Variants in GUCY1A2 observed in about 807,000 individuals in gnomAD.
GUCY1A2 encodes guanylate cyclase 1 soluble subunit alpha 2.
GUCY1A2 carries 27 observed loss-of-function variants against 63.5 expected under a neutral mutation model. That is an observed-to-expected ratio of 0.43 (90% CI 0.31 to 0.59). The LOEUF is 0.59. Among genes scored for constraint, GUCY1A2 ranks in the 20% least tolerant of loss-of-function variants. The probability of loss-of-function intolerance (pLI) is 0.11; values close to 1 mark genes in which losing one functional copy is unlikely to be tolerated. For synonymous variants in GUCY1A2, 364 were observed against 343.5 expected (o/e 1.06, Z -0.66); for missense variants, 768 against 913.3 (o/e 0.84, Z 2.05).
At chr11:106,815,597 G>A (rs1858820125) in intron 4 of GUCY1A2, among the ~76,000 whole-genome samples, 1 of 151,822 alleles carries the variant, frequency 6.6e-6, no homozygotes, top group Non-Finnish European at 1.5e-5. Context: ...CACCAGGAAG[G>A]AAGAAAAGGA....
intron 6 of GUCY1A2, among the ~76,000 whole-genome samples, chr11:106,748,581 G>GATGAAATCTA (rs1278499668): frequency 1.6e-4 from 24 of 152,288 alleles, no homozygotes; most frequent in Non-Finnish European, 2.9e-5. Flanking sequence ...AACACTGACA[G>GATGAAATCTA]ATGAAATCTA....
chr11:106,906,972 A>G (rs1860217323), intron 4 of GUCY1A2, among the ~76,000 whole-genome samples: 1 of 152,056 alleles, frequency 6.6e-6, no homozygotes, highest in South Asian at 2.1e-4. Context: ...CATTAGGAGA[A>G]ATACTTAATA....
At position 106,878,383 on chromosome 11, in the gene GUCY1A2, C is replaced by T. The variant is rs75737115; in HGVS notation, c.1206+61077G>A. Among the ~76,000 whole-genome samples the T allele has an allele frequency of 8.3e-3, 1,263 of 151,988 alleles. 10 individuals are homozygous for T. The highest frequency in any genetic ancestry group is 0.035 in the South Asian group (169 of 4,812). ...TAGCAAATAGAACCAACCTAAATGCCCATCAATGGTAGACTGGATAAAGAA... is the reference window on the plus strand; with the variant it reads ...TAGCAAATAGAACCAACCTAAATGCTCATCAATGGTAGACTGGATAAAGAA... On this transcript the variant is annotated intron_variant, in intron 4 of 7. Transcript: ENST00000526355.
intron 5 of GUCY1A2, among the ~76,000 whole-genome samples, chr11:106,787,530 GAGAGAAAGAGAGAAAGAT>G (rs1178303165): frequency 3.2e-4 from 3 of 9,506 alleles, no homozygotes; most frequent in Non-Finnish European, 7.5e-4. Flanking sequence ...GAGAAAGGGA[GAGAGAAAGAGAGAAAGAT>G]AGAGAAAGAG....
chr11:106,743,962 T>A (rs1863741191), intron 6 of GUCY1A2, among the ~76,000 whole-genome samples: 1 of 152,176 alleles, frequency 6.6e-6, no homozygotes, highest in Non-Finnish European at 1.5e-5. Flanking sequence ...AGTCCCTAGT[T>A]TAAGAATCCA....
chr11:106,716,551 C>G lies in GUCY1A2; in HGVS notation c.1837-7885G>C, dbSNP rs778732356. On this transcript the variant is annotated intron_variant, in intron 6 of 7. Transcript: ENST00000526355. ...CTCCGCAGGTTTGGTGGGACTGACG[C>G]CACCCCCAGGTCCAGGAACAGACCC... is the stretch of plus-strand genomic sequence containing the variant. Among the ~76,000 whole-genome samples the G allele has an allele frequency of 1.3e-5, 2 of 151,964 alleles. 1 individual carries two copies. Among genetic ancestry groups the G allele is most frequent in the South Asian group, 4.1e-4 (2 of 4,820 alleles).
intron 4 of GUCY1A2, among the ~76,000 whole-genome samples, chr11:106,911,729 T>C (rs1860297128): frequency 6.6e-6 from 1 of 152,062 alleles, no homozygotes; most frequent in Non-Finnish European, 1.5e-5. Flanking sequence ...TGAACAATGC[T>C]TTGGAAATAC....
chr11:106,780,793 G>A (rs571719453), intron 5 of GUCY1A2, among the ~76,000 whole-genome samples: 1 of 152,174 alleles, frequency 6.6e-6, no homozygotes, highest in Non-Finnish European at 1.5e-5. Flanking sequence ...TAAAGTGTAT[G>A]TAATATATCT....
intron 1 of GUCY1A2, among the ~76,000 whole-genome samples, chr11:107,003,388 C>A (rs532557146): frequency 6.6e-6 from 1 of 152,044 alleles, no homozygotes; most frequent in African/African-American, 2.4e-5. Flanking sequence ...TACAAACACA[C>A]AAAAAAATCC....
intron 1 of GUCY1A2, among the ~76,000 whole-genome samples, chr11:107,002,751 A>T (rs538898595): frequency 6.6e-6 from 1 of 152,218 alleles, no homozygotes; most frequent in Non-Finnish European, 1.5e-5. Context: ...TCATTAATAT[A>T]TATCTAGAGA....
At chr11:106,754,120 G>A (rs924819926) in intron 6 of GUCY1A2, among the ~76,000 whole-genome samples, 3 of 152,136 alleles carry the variant, frequency 2.0e-5, no homozygotes, top group African/African-American at 7.2e-5. Context: ...TGCAGCAATT[G>A]TGAATGGGAG....
intron 4 of GUCY1A2, among the ~76,000 whole-genome samples, chr11:106,818,959 G>T (rs914305722): frequency 6.6e-6 from 1 of 152,090 alleles, no homozygotes; most frequent in African/African-American, 2.4e-5. Context: ...AGCAGAGGAT[G>T]GTTCATGAGG....
intron 7 of GUCY1A2, among the ~76,000 whole-genome samples, chr11:106,705,651 G>A (rs1220486258): frequency 1.3e-5 from 2 of 152,078 alleles, no homozygotes; most frequent in Non-Finnish European, 2.9e-5. Flanking sequence ...ACGAGGTCAG[G>A]AGATGGAGAC....
intron 3 of GUCY1A2, among the ~76,000 whole-genome samples, chr11:106,962,953 A>G (rs1861079015): frequency 6.6e-6 from 1 of 152,102 alleles, no homozygotes. Flanking sequence ...TTGACCATGT[A>G]CAGCTATATT....
chr11:106,859,967 T>G (rs996421844), intron 4 of GUCY1A2, among the ~76,000 whole-genome samples: 2 of 151,976 alleles, frequency 1.3e-5, no homozygotes, highest in African/African-American at 4.8e-5. Context: ...ATCCCCATTG[T>G]TAAGTAATGC....
chr11:106,827,873 A>T, intron 4 of GUCY1A2: 2 of 1,591,506 alleles, frequency 1.3e-6, no homozygotes, highest in Non-Finnish European at 1.7e-6. Flanking sequence ...CAGTCATGGG[A>T]GGGCGCGCTG....
intron 4 of GUCY1A2, among the ~76,000 whole-genome samples, chr11:106,932,407 C>T (rs922812432): frequency 2.8e-4 from 43 of 152,184 alleles, no homozygotes; most frequent in Middle Eastern, 3.4e-3. Context: ...AAATACCATA[C>T]AGCAATTTTA....
At chr11:106,772,759 G>C (rs1048635740) in intron 6 of GUCY1A2, among the ~76,000 whole-genome samples, 9 of 152,042 alleles carry the variant, frequency 5.9e-5, no homozygotes, top group Non-Finnish European at 8.8e-5. Context: ...CTCCATAAAA[G>C]AAAATCCAAC....
chr11:106,785,883 T>TTC (rs1555031832), intron 5 of GUCY1A2, among the ~76,000 whole-genome samples: 1 of 151,780 alleles, frequency 6.6e-6, no homozygotes, highest in African/African-American at 2.4e-5. Context: ...CACCTTTTTT[T>TTC]TTTTTTAAAG....
Sources: gnomAD v4.1 joint callset for allele counts (sites outside exome capture counted in the v4.1 genomes callset) on GRCh38, gnomAD v4.1.1 for gene constraint, MANE v1.5 for transcripts, NCBI Gene and HGNC (gene_info 2026-07-23, HGNC 2026-07-21) for gene names.